RNF150: variants seen among roughly 807,000 people sequenced by gnomAD.
RNF150 encodes ring finger protein 150.
In RNF150, 24 loss-of-function variants were observed where a neutral mutation model predicts 39.3. That is an observed-to-expected ratio of 0.61 (90% CI 0.44 to 0.86). RNF150 has a LOEUF of 0.86. Ranked by LOEUF, RNF150 falls within the 40% of genes least tolerant of loss-of-function variation. RNF150 has a pLI of 0.00. For synonymous variants in RNF150, 255 were observed against 227.3 expected (o/e 1.12, Z -1.10); for missense variants, 502 against 587.8 (o/e 0.85, Z 1.51).
chr4:141,026,886 G>A (rs1482870376), intron 1 of RNF150, among the ~76,000 whole-genome samples: 1 of 152,162 alleles, frequency 6.6e-6, no homozygotes, highest in Non-Finnish European at 1.5e-5. Flanking sequence ...TCTTTCAATA[G>A]TAAGCAACAT....
intron 6 of RNF150, among the ~76,000 whole-genome samples, chr4:140,883,739 TTGTAATG>T (rs1254728534): frequency 6.6e-6 from 1 of 152,192 alleles, no homozygotes; most frequent in Non-Finnish European, 1.5e-5. Flanking sequence ...GACAATTTGA[TTGTAATG>T]TGTCTCAGTG....
At chr4:141,097,083 T>C (rs1738816115) in intron 1 of RNF150, among the ~76,000 whole-genome samples, 1 of 152,234 alleles carries the variant, frequency 6.6e-6, no homozygotes, top group Admixed American at 6.5e-5. Flanking sequence ...TGTGGTTTTA[T>C]AAGAGATTAG....
intron 1 of RNF150, among the ~76,000 whole-genome samples, chr4:141,172,520 T>G (rs1246781333): frequency 1.6e-5 from 2 of 124,034 alleles, no homozygotes; most frequent in Non-Finnish European, 4.0e-5. Context: ...TTAAAATATT[T>G]TTGAGATATC....
Position 140,911,216 on chromosome 4 carries a change from C to T in RNF150, c.1126G>A (p.Val376Met). 2 of 1,614,198 alleles carry T rather than the reference C, an allele frequency of 1.2e-6. No individual in the cohort carries two copies. The highest frequency in any genetic ancestry group is 1.1e-5 in the South Asian group (1 of 91,088). Residue 376 changes from valine (V) to methionine (M), a missense_variant, in exon 6 of 7, where the codon GTG (valine) becomes ATG (methionine). By Grantham distance (21) the Val-to-Met change is conservative (BLOSUM62 1). Transcript: ENST00000515673. ...SVTLDPAVRT[V>M]GALQVVQDTD... ...TCCTGGACCACCTGCAAGGCTCCCA[C>T]AGTCCGGACAGCAGGGTCCAAAGTG...
At chr4:140,970,097 A>G (rs1481276889) in intron 1 of RNF150, among the ~76,000 whole-genome samples, 1 of 152,074 alleles carries the variant, frequency 6.6e-6, no homozygotes, top group East Asian at 1.9e-4. Context: ...TCACTAATAT[A>G]TTCCTCTATG....
intron 1 of RNF150, among the ~76,000 whole-genome samples, chr4:140,983,388 G>C (rs1435195489): frequency 6.6e-6 from 1 of 152,024 alleles, no homozygotes; most frequent in Non-Finnish European, 1.5e-5. Context: ...CAACAGCTTG[G>C]CTTTCTGTAC....
intron 1 of RNF150, among the ~76,000 whole-genome samples, chr4:141,040,274 T>C (rs1736307920): frequency 6.6e-6 from 1 of 152,142 alleles, no homozygotes; most frequent in Admixed American, 6.6e-5. Flanking sequence ...TAACTAAATG[T>C]GATCTCAGAA....
intron 1 of RNF150, among the ~76,000 whole-genome samples, chr4:141,172,187 G>A (rs1236645169): frequency 3.3e-5 from 5 of 151,834 alleles, no homozygotes; most frequent in African/African-American, 1.2e-4. Flanking sequence ...TCTGCTCAGT[G>A]TACTTCTCTG....
At chr4:141,041,854 G>A (rs1420463025) in intron 1 of RNF150, among the ~76,000 whole-genome samples, 4 of 151,996 alleles carry the variant, frequency 2.6e-5, no homozygotes, top group African/African-American at 4.8e-5. Flanking sequence ...TACCATGAAC[G>A]TATATATACC....
At chr4:140,888,150 C>T (rs1394005523) in intron 6 of RNF150, among the ~76,000 whole-genome samples, 1 of 152,162 alleles carries the variant, frequency 6.6e-6, no homozygotes, top group African/African-American at 2.4e-5. Flanking sequence ...CTGCATAATT[C>T]ACCTTTAGTT....
chr4:141,021,849 A>G (rs1735505988), intron 1 of RNF150, among the ~76,000 whole-genome samples: 1 of 152,222 alleles, frequency 6.6e-6, no homozygotes, highest in Non-Finnish European at 1.5e-5. Flanking sequence ...TGAAGCCTCA[A>G]TACTCCACAC....
At chr4:141,190,465 G>C (rs1319918077) in intron 1 of RNF150, among the ~76,000 whole-genome samples, 1 of 152,150 alleles carries the variant, frequency 6.6e-6, no homozygotes, top group African/African-American at 2.4e-5. Context: ...GATCAACCCT[G>C]GCCAACAGTC....
At chr4:141,140,272 T>C (rs1376377613) in intron 1 of RNF150, among the ~76,000 whole-genome samples, 1 of 152,252 alleles carries the variant, frequency 6.6e-6, no homozygotes, top group Non-Finnish European at 1.5e-5. Context: ...AATATCCTTT[T>C]TTCTTTTTTG....
intron 1 of RNF150, among the ~76,000 whole-genome samples, chr4:141,014,293 C>T (rs2321734): frequency 0.87 from 133,172 of 152,272 alleles, 58,667 homozygotes; most frequent in East Asian, 1. Context: ...AATAAGGCTG[C>T]GATGAACATA....
intron 1 of RNF150, among the ~76,000 whole-genome samples, chr4:141,163,676 A>G (rs1308644556): frequency 6.6e-6 from 1 of 152,174 alleles, no homozygotes; most frequent in Admixed American, 6.5e-5. Context: ...TCTAGAGTGG[A>G]CCTCCAGCAA....
chr4:140,937,686 T>A (rs1731911778), intron 4 of RNF150, among the ~76,000 whole-genome samples: 1 of 151,608 alleles, frequency 6.6e-6, no homozygotes, highest in South Asian at 2.1e-4. Context: ...TATTTATATA[T>A]ATATTATAAA....
At chr4:140,992,929 C>T (rs912521839) in intron 1 of RNF150, among the ~76,000 whole-genome samples, 3 of 152,014 alleles carry the variant, frequency 2.0e-5, no homozygotes, top group Non-Finnish European at 4.4e-5. Flanking sequence ...AAGGGAGGCA[C>T]CCGAGAGCAG....
intron 1 of RNF150, among the ~76,000 whole-genome samples, chr4:141,036,124 A>C (rs1736133280): frequency 6.6e-6 from 1 of 152,182 alleles, no homozygotes; most frequent in African/African-American, 2.4e-5. Flanking sequence ...GAGACTGCTA[A>C]AGATATCTAT....
intron 6 of RNF150, among the ~76,000 whole-genome samples, chr4:140,890,235 T>G (rs937139730): frequency 2.0e-5 from 3 of 152,254 alleles, no homozygotes; most frequent in African/African-American, 7.2e-5. Flanking sequence ...ATCCTGCAAT[T>G]TACTTATTTT....
Sources: gnomAD v4.1 joint callset for allele counts (sites outside exome capture counted in the v4.1 genomes callset) on GRCh38, gnomAD v4.1.1 for gene constraint, MANE v1.5 for transcripts, NCBI Gene and HGNC (gene_info 2026-07-23, HGNC 2026-07-21) for gene names.